ATRX: variants seen among roughly 807,000 people sequenced by gnomAD.
ATRX encodes ATRX chromatin remodeler.
In ATRX, 12 loss-of-function variants were observed where a neutral mutation model predicts 172.6. The ratio of observed to expected loss-of-function variants is 0.07; its 90% confidence interval spans 0.04 to 0.11. The LOEUF is 0.11. ATRX is among the 10% of genes least tolerant of loss of function. ATRX has a pLI of 1.00. For synonymous variants in ATRX, 674 were observed against 594.7 expected, an observed-to-expected ratio of 1.13 and a Z score of -1.94; for missense variants, 1,368 against 1,767.4, an observed-to-expected ratio of 0.77 and a Z score of 4.05.
At chrX:77,588,539 G>A (rs2066118515) in intron 27 of ATRX, among the ~76,000 whole-genome samples, 1 of 111,585 alleles carries the variant, frequency 9.0e-6, no homozygotes, top group Non-Finnish European at 1.9e-5. Flanking sequence ...GGCCAACGAG[G>A]GAGGACTGCT....
At position 77,693,910 on chromosome X, in the gene ATRX, A is replaced by G; in HGVS notation, c.398T>C (p.Val133Ala). ...AAAATCATCTTTGTCTTCATTCAGC[A>G]CTGGCTCTGGCTGTACAATCACTGT... is the stretch of plus-strand genomic sequence containing the variant. ...KGTVIVQPEPVLNEDKDDFKG... is the reference protein window; with the variant it reads ...KGTVIVQPEPALNEDKDDFKG... Residue 133 changes from valine (V) to alanine (A), a missense_variant, in exon 6 of 35, where the codon GTG becomes GCG. Physicochemically the swap from Val to Ala is moderately conservative, Grantham distance 64. Coordinates refer to ENST00000373344, the MANE Select transcript of ATRX (RefSeq NM_000489.6). 1 of 1,204,834 alleles carries G rather than the reference A, an allele frequency of 8.3e-7. No individual in the cohort carries two copies. Among genetic ancestry groups the G allele is most frequent in the South Asian group, 1.8e-5 (1 of 56,858 alleles).
chrX:77,519,195 T>A (rs1485946598), intron 34 of ATRX, among the ~76,000 whole-genome samples: 1 of 110,757 alleles, frequency 9.0e-6, no homozygotes, highest in Non-Finnish European at 1.9e-5. Flanking sequence ...AAGGAAACAA[T>A]CAACAAGGCG....
rs782676152 is a variant in ATRX at position 77,513,173 on chromosome X, T to C, written c.7201-4544A>G. Among the ~76,000 whole-genome samples the C allele has an allele frequency of 4.3e-3, 460 of 107,930 alleles. 3 individuals carry two copies. The highest frequency in any genetic ancestry group is 0.015 in the African/African-American group (433 of 29,673). 93.7% of individuals were successfully genotyped at this position (107,930 alleles called of 115,157 possible). A position where few individuals can be genotyped will look rare whatever the true frequency, so the allele number is the denominator to read the frequency against. On this transcript the variant is annotated intron_variant, in intron 34 of 34. Coordinates refer to ENST00000373344, the MANE Select transcript of ATRX (RefSeq NM_000489.6). ...TCTACTAAAAATACAAAAAATTAGC[T>C]GGGCGTGGTGGCGGGCACCTGTAGT...
intron 27 of ATRX, among the ~76,000 whole-genome samples, chrX:77,585,248 C>T (rs1557076176): frequency 1.8e-5 from 2 of 109,651 alleles, no homozygotes; most frequent in Non-Finnish European, 3.8e-5. Context: ...TCAGAGGTTC[C>T]TCAAAAAATT....
intron 25 of ATRX, among the ~76,000 whole-genome samples, chrX:77,598,883 C>T (rs2066563374): frequency 8.9e-6 from 1 of 112,002 alleles, no homozygotes; most frequent in Non-Finnish European, 1.9e-5. Context: ...TAGATAATTG[C>T]AGATTATGAA....
At chrX:77,720,445 C>A (rs1016298209) in intron 1 of ATRX, among the ~76,000 whole-genome samples, 2 of 110,264 alleles carry the variant, frequency 1.8e-5, no homozygotes, top group Non-Finnish European at 3.8e-5. Flanking sequence ...TAATAAAGAA[C>A]AAAAGAGAGA....
At chrX:77,749,821 A>G (rs1405286495) in intron 1 of ATRX, among the ~76,000 whole-genome samples, 2 of 111,110 alleles carry the variant, frequency 1.8e-5, no homozygotes, top group South Asian at 7.5e-4. Flanking sequence ...TGGACATGAG[A>G]CATCCCTTTG....
chrX:77,684,242 A>G lies in ATRX; in HGVS notation c.1014T>C (p.Ser338=), dbSNP rs2148632465. The G allele has an allele frequency of 8.3e-7, 1 of 1,211,332 alleles. No individual in the cohort carries two copies. Among genetic ancestry groups the G allele is most frequent in the East Asian group, 3.0e-5 (1 of 33,870 alleles). Residue 338 remains serine, a synonymous_variant, in exon 9 of 35, where the codon TCT becomes TCC. Coordinates refer to ENST00000373344, the MANE Select transcript of ATRX (RefSeq NM_000489.6). The part of the protein sequence containing the change: ...EKKLDDSCSG[S]VTYSYSALIV... ...TTAGTGCGGAATAAGAGTAGGTTAC[A>G]GAGCCAGAACAGGAATCATCTAATT...
At chrX:77,696,796 T>C in intron 4 of ATRX, 92 bp from the exon 5 acceptor site, 1 of 947,523 alleles carries the variant, frequency 1.1e-6, no homozygotes, top group East Asian at 3.1e-5. Context: ...GATTGAGCAG[T>C]GGGTCTCAAC....
chrX:77,708,505 T>A (rs2148717784), intron 2 of ATRX, among the ~76,000 whole-genome samples: 1 of 110,422 alleles, frequency 9.1e-6, no homozygotes, highest in African/African-American at 3.3e-5. Context: ...TACTAAAAAA[T>A]ACAAAAATTA....
chrX:77,618,477 G>A (rs1557098142), intron 21 of ATRX, among the ~76,000 whole-genome samples: 1 of 111,804 alleles, frequency 8.9e-6, no homozygotes, highest in East Asian at 2.8e-4. Flanking sequence ...GAATTAGGGT[G>A]AGCATAGGAA....
At position 77,513,482 on chromosome X, in the gene ATRX, C is replaced by T. The variant is rs911389184; in HGVS notation, c.7201-4853G>A. On this transcript the variant is annotated intron_variant, in intron 34 of 34. Transcript: ENST00000373344. ...AGTGGGCGGAGGGAAGAAACAGAAG[C>T]TTGGTTGGAGGAGGAAGCTGGGAAC... Among the ~76,000 whole-genome samples, 8 of 109,944 alleles carry T rather than the reference C, an allele frequency of 7.3e-5. No homozygotes were observed. In the South Asian group the frequency reaches 3.3e-3, roughly 45 times the overall value.
chrX:77,662,700 TA>T (rs2069981616), intron 12 of ATRX, among the ~76,000 whole-genome samples: 1 of 111,041 alleles, frequency 9.0e-6, no homozygotes, highest in South Asian at 3.8e-4. Flanking sequence ...TTTTTTTTTT[TA>T]TTTTTCTTGG....
At chrX:77,756,613 T>C (rs781981437) in intron 1 of ATRX, among the ~76,000 whole-genome samples, 139 of 110,055 alleles carry the variant, frequency 1.3e-3, no homozygotes, top group Non-Finnish European at 2.2e-3. Flanking sequence ...CTCCTTGCAC[T>C]TCCGGGAGAG....
Position 77,697,593 on chromosome X carries a change from G to T in ATRX, c.232C>A (p.Arg78=), listed in dbSNP as rs2072254133. ...SEKSKSSGSS[R]SKRKPSIVTK... ...TCAACATCAACCAACCTCTTTGATC[G>T]TGACGATCCTGAAGACTTGGATTTT... Residue 78 remains arginine (R), a synonymous_variant, in exon 4 of 35, where the codon CGA becomes AGA. Coordinates refer to ENST00000373344, the MANE Select transcript of ATRX (RefSeq NM_000489.6). 1 of 1,208,461 alleles carries T rather than the reference G, an allele frequency of 8.3e-7. No individual in the cohort carries two copies. Among genetic ancestry groups the T allele is most frequent in the South Asian group, 1.8e-5 (1 of 56,638 alleles).
chrX:77,653,558 A>G (rs1195157720), intron 14 of ATRX, among the ~76,000 whole-genome samples: 1 of 111,933 alleles, frequency 8.9e-6, no homozygotes, highest in Non-Finnish European at 1.9e-5. Flanking sequence ...GATAGAAGGA[A>G]ATGGTGTTAA....
chrX:77,539,590 C>G (rs782449414), intron 30 of ATRX, among the ~76,000 whole-genome samples: 1 of 109,520 alleles, frequency 9.1e-6, no homozygotes, highest in East Asian at 2.8e-4. Context: ...CAAACAGAAA[C>G]GACCACCACA....
At chrX:77,692,843 T>TAG (rs1243730650) in intron 6 of ATRX, among the ~76,000 whole-genome samples, 3 of 75,380 alleles carry the variant, frequency 4.0e-5, no homozygotes, top group Non-Finnish European at 7.8e-5. Context: ...TAGCCAATAT[T>TAG]AGAGTGTGTG....
chrX:77,686,965 C>T (rs1603230574), intron 7 of ATRX, among the ~76,000 whole-genome samples: 2 of 108,194 alleles, frequency 1.8e-5, no homozygotes, highest in Middle Eastern at 9.4e-3. Context: ...ACCAGCCTGG[C>T]CAACAGGGTA....
Sources: allele counts gnomAD v4.1 joint callset (sites outside exome capture counted in the v4.1 genomes callset), GRCh38; gene constraint gnomAD v4.1.1; transcripts MANE v1.5; gene names NCBI Gene and HGNC (gene_info 2026-07-23, HGNC 2026-07-21).